The following DPYS variants were observed in gnomAD, a reference collection of about 807,000 sequenced individuals.
The protein encoded by DPYS is dihydropyrimidinase.
In DPYS, 39 loss-of-function variants were observed where a neutral mutation model predicts 50.3. The observed-to-expected ratio is 0.78, with a 90% CI of 0.60 to 1.01. DPYS has a LOEUF of 1.01. DPYS is among the 50% of genes least tolerant of loss of function. The probability of loss-of-function intolerance (pLI) is 0.00; values close to 1 mark genes in which losing one functional copy is unlikely to be tolerated. For synonymous variants in DPYS, 245 were observed against 250.7 expected (o/e 0.98, Z 0.22); for missense variants, 659 against 680.9 (o/e 0.97, Z 0.36).
intron 4 of DPYS, among the ~76,000 whole-genome samples, chr8:104,434,851 TA>T (rs1395608351): frequency 6.6e-6 from 1 of 152,204 alleles, no homozygotes; most frequent in Non-Finnish European, 1.5e-5. Context: ...AACATGGATT[TA>T]AAATAGACGT....
intron 4 of DPYS, among the ~76,000 whole-genome samples, chr8:104,431,221 C>T (rs1207984853): frequency 3.3e-5 from 5 of 152,014 alleles, no homozygotes; most frequent in African/African-American, 4.8e-5. Context: ...CAAGGTGATA[C>T]GGGAATATGG....
intron 7 of DPYS, among the ~76,000 whole-genome samples, chr8:104,396,841 G>C (rs1487817588): frequency 8.1e-6 from 1 of 124,186 alleles, no homozygotes; most frequent in Non-Finnish European, 1.8e-5. Context: ...AAAAAAAAAA[G>C]GTCATTATGT....
At chr8:104,464,863 G>A (rs1020728801) in intron 1 of DPYS, among the ~76,000 whole-genome samples, 2 of 152,010 alleles carry the variant, frequency 1.3e-5, no homozygotes, top group South Asian at 2.1e-4. Flanking sequence ...CTTTAAAATG[G>A]AAAAATAAGT....
intron 1 of DPYS, among the ~76,000 whole-genome samples, chr8:104,456,520 G>C (rs1478554566): frequency 6.6e-6 from 1 of 152,164 alleles, no homozygotes; most frequent in African/African-American, 2.4e-5. Context: ...GTTTCTTCTT[G>C]TTCTGTTTCT....
chr8:104,413,647 G>A (rs1019282965), intron 7 of DPYS, among the ~76,000 whole-genome samples: 1 of 152,136 alleles, frequency 6.6e-6, no homozygotes, highest in Non-Finnish European at 1.5e-5. Context: ...CCCAATATAA[G>A]TTTTTTAATT....
chr8:104,435,013 A>C (rs1043908423), intron 4 of DPYS, among the ~76,000 whole-genome samples: 9 of 152,214 alleles, frequency 5.9e-5, no homozygotes, highest in African/African-American at 2.2e-4. Context: ...AATTGTCACC[A>C]TTCTAAACAA....
At chr8:104,424,111 C>A (rs1812640243) in intron 7 of DPYS, 136 bp downstream of exon 7, 3 of 1,566,820 alleles carry the variant, frequency 1.9e-6, no homozygotes, top group Non-Finnish European at 1.7e-6. Flanking sequence ...ATCTTGTGTA[C>A]AGGATCAAAA....
rs1810966931 is a variant in DPYS at position 104,379,669 on chromosome 8, C to T, written c.*189G>A. 2.7e-6 allele frequency: 1 copy of T among 375,100 alleles called. No individual in the cohort carries two copies. The highest frequency in any genetic ancestry group is 3.4e-5 in the Admixed American group (1 of 29,446). 23.2% of individuals were successfully genotyped at this position (375,100 alleles called of 1,614,324 possible). A position where few individuals can be genotyped will look rare whatever the true frequency, so the allele number is the denominator to read the frequency against. ...AATTTATACCTTCAATCTTATGCAGCAACAAAAACACAGTGAGAAAGACAG... is the reference window on the plus strand; with the variant it reads ...AATTTATACCTTCAATCTTATGCAGTAACAAAAACACAGTGAGAAAGACAG... On this transcript the variant is annotated 3_prime_UTR_variant, in exon 10 of 10. Coordinates refer to ENST00000351513, the MANE Select transcript of DPYS (RefSeq NM_001385.3).
intron 7 of DPYS, among the ~76,000 whole-genome samples, chr8:104,409,642 G>C (rs1264957967): frequency 6.6e-6 from 1 of 151,936 alleles, no homozygotes; most frequent in Non-Finnish European, 1.5e-5. Flanking sequence ...CATTATAAAA[G>C]TCATTTACTT....
At chr8:104,454,395 CAAACA>C (rs1184454508) in intron 1 of DPYS, among the ~76,000 whole-genome samples, 2 of 152,126 alleles carry the variant, frequency 1.3e-5, no homozygotes, top group Admixed American at 6.5e-5. Context: ...TCAAAACAAA[CAAACA>C]AAACAAAAAG....
At chr8:104,393,669 C>T (rs886751128) in intron 7 of DPYS, among the ~76,000 whole-genome samples, 9 of 152,178 alleles carry the variant, frequency 5.9e-5, no homozygotes, top group Non-Finnish European at 8.8e-5. Flanking sequence ...TTCAATCCTA[C>T]ATAATACGAT....
chr8:104,436,257 T>G (rs1378388940), intron 4 of DPYS, among the ~76,000 whole-genome samples: 2 of 152,032 alleles, frequency 1.3e-5, no homozygotes, highest in African/African-American at 4.8e-5. Context: ...ATCACCAGAC[T>G]TTTGAAGAAA....
At chr8:104,448,307 C>A (rs573777762) in intron 2 of DPYS, among the ~76,000 whole-genome samples, 1 of 152,208 alleles carries the variant, frequency 6.6e-6, no homozygotes, top group Non-Finnish European at 1.5e-5. Flanking sequence ...AGGCGTGCAC[C>A]ACCATGCCCA....
At chr8:104,444,554 GT>G in intron 3 of DPYS, 117 bp from the exon 4 acceptor site, 1 of 1,081,858 alleles carries the variant, frequency 9.2e-7, no homozygotes, top group Admixed American at 2.0e-5. Context: ...GTATAGGGGT[GT>G]GTGTGTGTCT....
intron 7 of DPYS, among the ~76,000 whole-genome samples, chr8:104,395,465 C>A (rs190213484): frequency 2.2e-4 from 33 of 152,186 alleles, no homozygotes; most frequent in African/African-American, 7.5e-4. Flanking sequence ...TCTGTAGTCA[C>A]GCCCTCCCCC....
intron 6 of DPYS, among the ~76,000 whole-genome samples, chr8:104,425,954 T>C (rs1184690725): frequency 1.3e-5 from 2 of 152,176 alleles, no homozygotes; most frequent in Non-Finnish European, 2.9e-5. Flanking sequence ...TATTAAGAAC[T>C]ATTCAGTCAC....
chr8:104,436,472 T>C (rs1310703073), intron 4 of DPYS, among the ~76,000 whole-genome samples: 2 of 152,076 alleles, frequency 1.3e-5, no homozygotes, highest in Non-Finnish European at 2.9e-5. Context: ...TAGCTGGGCA[T>C]GGTGGTGGGC....
At chr8:104,446,604 A>G (rs1437666171) in intron 3 of DPYS, among the ~76,000 whole-genome samples, 2 of 152,324 alleles carry the variant, frequency 1.3e-5, no homozygotes, top group South Asian at 2.1e-4. Context: ...AGTCCAATTT[A>G]AACCCTGGTC....
intron 6 of DPYS, among the ~76,000 whole-genome samples, chr8:104,426,538 TTGG>T (rs1294570558): frequency 2.0e-5 from 3 of 152,186 alleles, no homozygotes; most frequent in Non-Finnish European, 4.4e-5. Context: ...TTGACAAGAC[TTGG>T]TGAATAATTC....
Sources: gnomAD v4.1 joint callset for allele counts (sites outside exome capture counted in the v4.1 genomes callset) on GRCh38, gnomAD v4.1.1 for gene constraint, MANE v1.5 for transcripts, NCBI Gene and HGNC (gene_info 2026-07-23, HGNC 2026-07-21) for gene names.